The following PHLDB2 variants were observed in gnomAD, a reference collection of about 807,000 sequenced individuals.
PHLDB2 encodes the protein pleckstrin homology-like domain family B member 2.
Under a neutral mutation model 123.6 loss-of-function variants are expected in PHLDB2, and 71 were observed. The observed-to-expected ratio is 0.57, with a 90% CI of 0.47 to 0.70. PHLDB2 has a LOEUF of 0.70. Among genes scored for constraint, PHLDB2 ranks in the 30% least tolerant of loss-of-function variants. PHLDB2 has a pLI of 0.00. For missense variants in PHLDB2, 1,446 were observed against 1,519.5 expected (o/e 0.95, Z 0.80); for synonymous variants, 547 against 541.6 (o/e 1.01, Z -0.14).
At chr3:111,923,458 G>A (rs1309500886) in intron 5 of PHLDB2, among the ~76,000 whole-genome samples, 3 of 152,042 alleles carry the variant, frequency 2.0e-5, no homozygotes, top group African/African-American at 4.8e-5. Context: ...TATAGCTATG[G>A]CTTCAAATAA....
intron 1 of PHLDB2, among the ~76,000 whole-genome samples, chr3:111,763,993 A>G (rs546181123): frequency 6.6e-6 from 1 of 152,358 alleles, no homozygotes; most frequent in African/African-American, 2.4e-5. Flanking sequence ...TCAAGAAAAT[A>G]TAATGCCAAA....
At chr3:111,783,771 A>G (rs1192916079) in intron 1 of PHLDB2, among the ~76,000 whole-genome samples, 1 of 152,176 alleles carries the variant, frequency 6.6e-6, no homozygotes, top group Non-Finnish European at 1.5e-5. Flanking sequence ...TGGGCCAGAA[A>G]AATCTTGCCT....
intron 2 of PHLDB2, among the ~76,000 whole-genome samples, chr3:111,900,295 A>C (rs2067118721): frequency 6.6e-6 from 1 of 152,240 alleles, no homozygotes; most frequent in South Asian, 2.1e-4. Flanking sequence ...CAACTTGGCT[A>C]ATTGGTACAA....
At chr3:111,918,750 T>C (rs1390690283) in intron 3 of PHLDB2, among the ~76,000 whole-genome samples, 1 of 152,238 alleles carries the variant, frequency 6.6e-6, no homozygotes. Flanking sequence ...ACTTTCTCTA[T>C]AACCTTGGAG....
intron 13 of PHLDB2, among the ~76,000 whole-genome samples, chr3:111,963,200 C>G (rs2071528136): frequency 6.6e-6 from 1 of 152,114 alleles, no homozygotes; most frequent in Non-Finnish European, 1.5e-5. Context: ...ATCCCGGAAC[C>G]TGGCACTCTA....
chr3:111,884,292 C>T lies in PHLDB2; in HGVS notation c.215C>T (p.Pro72Leu). Residue 72 changes from proline (P) to leucine (L), a missense_variant, in exon 2 of 18, where the codon CCT (proline) becomes CTT (leucine). Pro to Leu is a moderately conservative substitution (Grantham distance 98). This residue lies in a region of PHLDB2 where 832 missense variants were observed against 831.9 expected (regional missense o/e 1.00). Transcript: ENST00000431670. ...CAACCTGTGCCTGCAAAGAGAAGCCCTTCTCCTTTGGGAACCAGTGTCAGA... is the reference window on the plus strand; with the variant it reads ...CAACCTGTGCCTGCAAAGAGAAGCCTTTCTCCTTTGGGAACCAGTGTCAGA... ...LSQPVPAKRS[P>L]SPLGTSVRSS... The T allele has an allele frequency of 6.2e-7, 1 of 1,614,214 alleles. No homozygotes were observed. Among genetic ancestry groups the T allele is most frequent in the Non-Finnish European group, 8.5e-7 (1 of 1,180,042 alleles).
At chr3:111,831,022 A>AAAGG (rs2062992330) in intron 1 of PHLDB2, among the ~76,000 whole-genome samples, 1 of 111,494 alleles carries the variant, frequency 9.0e-6, no homozygotes, top group Non-Finnish European at 1.9e-5. Context: ...AGAAAGAAAG[A>AAAGG]AAGAAAGAAA....
chr3:111,843,912 T>C (rs2063811077), intron 1 of PHLDB2, among the ~76,000 whole-genome samples: 1 of 152,228 alleles, frequency 6.6e-6, no homozygotes, highest in African/African-American at 2.4e-5. Context: ...AATGGAAGAC[T>C]TGGCCTTGTT....
chr3:111,921,090 T>G (rs866689673), intron 5 of PHLDB2, among the ~76,000 whole-genome samples: 1 of 152,228 alleles, frequency 6.6e-6, no homozygotes, highest in African/African-American at 2.4e-5. Flanking sequence ...TGATATCTAT[T>G]AGGGAAAGTA....
At chr3:111,799,701 A>G (rs2061311383) in intron 1 of PHLDB2, among the ~76,000 whole-genome samples, 1 of 152,182 alleles carries the variant, frequency 6.6e-6, no homozygotes, top group Non-Finnish European at 1.5e-5. Flanking sequence ...TTATACTGTG[A>G]ATATCTTCCT....
At chr3:111,907,883 G>A (rs917893731) in intron 2 of PHLDB2, among the ~76,000 whole-genome samples, 55 of 151,992 alleles carry the variant, frequency 3.6e-4, no homozygotes, top group African/African-American at 1.1e-3. Flanking sequence ...TGCAACCTCC[G>A]CCTCCTGGAC....
chr3:111,750,814 T>C (rs920823935), intron 1 of PHLDB2, among the ~76,000 whole-genome samples: 1 of 151,780 alleles, frequency 6.6e-6, no homozygotes, highest in Admixed American at 6.6e-5. Flanking sequence ...GGCATGGTGG[T>C]GCATGCCTAT....
At chr3:111,876,886 C>A (rs971652600) in intron 1 of PHLDB2, among the ~76,000 whole-genome samples, 2 of 152,180 alleles carry the variant, frequency 1.3e-5, no homozygotes, top group Non-Finnish European at 2.9e-5. Context: ...CATGTCCCTG[C>A]AAAAGACATG....
intron 1 of PHLDB2, among the ~76,000 whole-genome samples, chr3:111,789,272 G>T (rs2060815307): frequency 6.6e-6 from 1 of 152,166 alleles, no homozygotes; most frequent in Admixed American, 6.5e-5. Context: ...GACTCCAATA[G>T]AACTCCTTAT....
chr3:111,944,067 C>T (rs1297951376), intron 8 of PHLDB2, among the ~76,000 whole-genome samples: 1 of 152,128 alleles, frequency 6.6e-6, no homozygotes, highest in Non-Finnish European at 1.5e-5. Flanking sequence ...AAACAGTGAA[C>T]TACTGATGCC....
At chr3:111,848,937 T>C (rs973684322) in intron 2 of PHLDB2, among the ~76,000 whole-genome samples, 3 of 152,236 alleles carry the variant, frequency 2.0e-5, no homozygotes, top group Non-Finnish European at 1.5e-5. Context: ...TGTAACAGAC[T>C]ATGCCACCTA....
chr3:111,814,321 A>G (rs1411235756), intron 1 of PHLDB2, among the ~76,000 whole-genome samples: 3 of 190 alleles, frequency 0.016, no homozygotes, highest in Non-Finnish European at 0.11. Context: ...AAAGACTAAC[A>G]GCCTCCCAGC....
intron 1 of PHLDB2, among the ~76,000 whole-genome samples, chr3:111,794,657 A>G (rs1362202600): frequency 6.6e-6 from 1 of 152,238 alleles, no homozygotes; most frequent in African/African-American, 2.4e-5. Flanking sequence ...AATGTATAAG[A>G]GTATGGATTT....
chr3:111,852,925 T>C (rs2064323998), intron 2 of PHLDB2, among the ~76,000 whole-genome samples: 1 of 152,186 alleles, frequency 6.6e-6, no homozygotes, highest in African/African-American at 2.4e-5. Context: ...TTAGAGAACC[T>C]ACCTTGTAAT....
Sources: allele counts gnomAD v4.1 joint callset (sites outside exome capture counted in the v4.1 genomes callset), GRCh38; gene constraint gnomAD v4.1.1; regional missense constraint gnomAD v4.1.1; transcripts MANE v1.5; gene names NCBI Gene and HGNC (gene_info 2026-07-23, HGNC 2026-07-21).